ABCB5: variants seen among roughly 807,000 people sequenced by gnomAD.
ABCB5 encodes the protein ATP binding cassette subfamily B member 5.
In ABCB5, 155 loss-of-function variants were observed where a neutral mutation model predicts 144.2. The observed-to-expected ratio is 1.08, with a 90% CI of 0.94 to 1.23. The LOEUF (loss-of-function observed/expected upper bound fraction) is 1.23, where lower values mean the gene tolerates loss of function less well. ABCB5 is among the 50% of genes most tolerant of loss of function. The pLI, the probability that ABCB5 is intolerant of heterozygous loss-of-function variation, is 0.00. For synonymous variants in ABCB5, 610 were observed against 528.6 expected, an observed-to-expected ratio of 1.15 and a Z score of -2.11; for missense variants, 1,830 against 1,520.8, an observed-to-expected ratio of 1.20 and a Z score of -3.38.
Position 20,753,383 on chromosome 7 carries a change from G to A in ABCB5, c.3453G>A (p.Leu1151=). Reference sequence around the variant, plus strand: ...AGAAATACAACACACAAGTTGGACTGAAAGGAGCACAGCTTTCTGGCGGCC... The same window carrying A: ...AGAAATACAACACACAAGTTGGACTAAAAGGAGCACAGCTTTCTGGCGGCC... ...LPEKYNTQVG[L]KGAQLSGGQK... The change falls in exon 27 of 28, where the codon CTG becomes CTA. Residue 1151 remains leucine, a synonymous_variant. Coordinates refer to ENST00000404938, the MANE Select transcript of ABCB5 (RefSeq NM_001163941.2). 2 of 1,613,714 alleles carry A rather than the reference G, an allele frequency of 1.2e-6. No individual in the cohort carries two copies. The highest frequency in any genetic ancestry group is 1.7e-6 in the Non-Finnish European group (2 of 1,179,772).
chr7:20,721,565 A>G (rs1781869490), intron 20 of ABCB5, among the ~76,000 whole-genome samples: 1 of 152,136 alleles, frequency 6.6e-6, no homozygotes, highest in South Asian at 2.1e-4. Flanking sequence ...TTTCCTGTCC[A>G]TGTTGGTTTC....
At chr7:20,738,886 T>G in intron 23 of ABCB5, 97 bp from the exon 24 acceptor site, 4 of 1,351,118 alleles carry the variant, frequency 3.0e-6, no homozygotes, top group Non-Finnish European at 3.9e-6. Flanking sequence ...CATCAAAAGA[T>G]TATATTCCTG....
intron 20 of ABCB5, among the ~76,000 whole-genome samples, chr7:20,714,560 T>C (rs769386853): frequency 6.6e-6 from 1 of 152,264 alleles, no homozygotes; most frequent in South Asian, 2.1e-4. Flanking sequence ...AGAAGAAATA[T>C]ATTCAGATCT....
chr7:20,702,911 C>A (rs1473050931), intron 19 of ABCB5, among the ~76,000 whole-genome samples: 1 of 149,324 alleles, frequency 6.7e-6, no homozygotes, highest in Admixed American at 6.7e-5. Context: ...CTCCTGACCT[C>A]GTGATCCACC....
Position 20,622,950 on chromosome 7 carries a change from A to C in ABCB5, c.-21-315A>C, listed in dbSNP as rs561721774. Among the ~76,000 whole-genome samples the C allele has an allele frequency of 2.0e-5, 3 of 152,270 alleles. No homozygotes were observed. The South Asian group carries it at 6.2e-4, about 32-fold the overall frequency. ...CCAGTCAAATGAATGGCAAAGTAGG[A>C]ATATCTAATATCCTGACAAACAGTG... On this transcript the variant is annotated intron_variant, in intron 1 of 27. Coordinates refer to ENST00000404938, the MANE Select transcript of ABCB5 (RefSeq NM_001163941.2).
intron 13 of ABCB5, among the ~76,000 whole-genome samples, chr7:20,653,052 G>A (rs1459538627): frequency 6.6e-6 from 1 of 152,094 alleles, no homozygotes; most frequent in African/African-American, 2.4e-5. Context: ...TTAAATCTTT[G>A]GGAACACACA....
At chr7:20,719,643 C>T (rs1268365994) in intron 20 of ABCB5, among the ~76,000 whole-genome samples, 2 of 152,154 alleles carry the variant, frequency 1.3e-5, no homozygotes, top group African/African-American at 4.8e-5. Context: ...GTGGTGGCAG[C>T]CCCGTGCAGG....
At chr7:20,656,912 C>CTTTTTTTTTTTTTT (rs749816471) in intron 13 of ABCB5, among the ~76,000 whole-genome samples, 1 of 58,582 alleles carries the variant, frequency 1.7e-5, no homozygotes, top group African/African-American at 9.2e-5. Flanking sequence ...TTTCCTTTTT[C>CTTTTTTTTTTTTTT]TTTTTTTTTT....
At chr7:20,642,501 G>A (rs185063441) in intron 5 of ABCB5, among the ~76,000 whole-genome samples, 20 of 152,028 alleles carry the variant, frequency 1.3e-4, no homozygotes, top group African/African-American at 4.6e-4. Context: ...CCTATCCCCC[G>A]TTTACTTCCT....
chr7:20,672,944 T>C (rs1785495915), intron 14 of ABCB5, among the ~76,000 whole-genome samples: 1 of 152,156 alleles, frequency 6.6e-6, no homozygotes, highest in African/African-American at 2.4e-5. Context: ...GTTTCTGCTT[T>C]GATTTTTATT....
intron 14 of ABCB5, among the ~76,000 whole-genome samples, chr7:20,668,829 GC>G (rs1453061734): frequency 8.9e-4 from 111 of 124,134 alleles, no homozygotes; most frequent in African/African-American, 3.7e-3. Flanking sequence ...CCGGCCAGCC[GC>G]CCCGTCCGGG....
At chr7:20,682,723 T>C (rs1433751587) in intron 15 of ABCB5, among the ~76,000 whole-genome samples, 1 of 152,136 alleles carries the variant, frequency 6.6e-6, no homozygotes, top group Non-Finnish European at 1.5e-5. Context: ...ACTTGCTGAA[T>C]GAAGGGATGC....
chr7:20,666,125 A>T (rs1785184870), intron 14 of ABCB5, among the ~76,000 whole-genome samples: 1 of 151,164 alleles, frequency 6.6e-6, no homozygotes, highest in Non-Finnish European at 1.5e-5. Context: ...AGCCGAGAGC[A>T]CGCCATTGCA....
intron 16 of ABCB5, among the ~76,000 whole-genome samples, chr7:20,686,961 C>T (rs1786023098): frequency 6.6e-6 from 1 of 152,148 alleles, no homozygotes; most frequent in Non-Finnish European, 1.5e-5. Context: ...ACAACTCTTT[C>T]CTTTTAGGTA....
chr7:20,616,738 G>T (rs185666840), intron 1 of ABCB5, among the ~76,000 whole-genome samples: 1 of 152,240 alleles, frequency 6.6e-6, no homozygotes, highest in East Asian at 1.9e-4. Context: ...TCTCAAACTT[G>T]ACAAGTTTCA....
intron 14 of ABCB5, chr7:20,660,098 T>C (rs758586327): frequency 2.1e-5 from 21 of 984,694 alleles, no homozygotes; most frequent in Non-Finnish European, 2.5e-5. Flanking sequence ...TAATCAAAAC[T>C]AGTTCAGACT....
chr7:20,745,590 C>T (rs563008332), intron 26 of ABCB5, 152 bp downstream of exon 26: 24 of 820,972 alleles, frequency 2.9e-5, no homozygotes, highest in Admixed American at 5.8e-5. Flanking sequence ...AAGTCAGATG[C>T]GAAAAACCAA....
At chr7:20,750,362 G>C (rs1249945415) in intron 26 of ABCB5, among the ~76,000 whole-genome samples, 1 of 151,142 alleles carries the variant, frequency 6.6e-6, no homozygotes, top group Non-Finnish European at 1.5e-5. Context: ...GAGCAGTGAT[G>C]AGAGTCCAAA....
chr7:20,625,194 A>G (rs1783883727), intron 2 of ABCB5, among the ~76,000 whole-genome samples: 1 of 152,198 alleles, frequency 6.6e-6, no homozygotes, highest in Admixed American at 6.5e-5. Flanking sequence ...GAGCAAATTG[A>G]CCGGAACTCA....
Sources: gnomAD v4.1 joint callset for allele counts (sites outside exome capture counted in the v4.1 genomes callset) on GRCh38, gnomAD v4.1.1 for gene constraint, MANE v1.5 for transcripts, NCBI Gene and HGNC (gene_info 2026-07-23, HGNC 2026-07-21) for gene names.